The following MARCHF2 variants were observed in gnomAD, a reference collection of about 807,000 sequenced individuals.
MARCHF2 encodes membrane associated ring-CH-type finger 2.
In MARCHF2, 22 loss-of-function variants were observed where a neutral mutation model predicts 24.0. That is an observed-to-expected ratio of 0.92 (90% confidence interval 0.66 to 1.31). The LOEUF (loss-of-function observed/expected upper bound fraction) is 1.31. MARCHF2 is among the 50% of genes most tolerant of loss of function. The pLI, the probability that MARCHF2 is intolerant of heterozygous loss-of-function variation, is 0.00. For synonymous variants in MARCHF2, 154 were observed against 153.0 expected (o/e 1.01, Z -0.05); for missense variants, 301 against 335.3 (o/e 0.90, Z 0.80).
intron 4 of MARCHF2, among the ~76,000 whole-genome samples, chr19:8,434,561 T>C (rs1044947482): frequency 5.9e-5 from 9 of 152,176 alleles, no homozygotes; most frequent in African/African-American, 2.2e-4. Flanking sequence ...AAATCACTTT[T>C]GACAGGCACT....
chr19:8,425,189 C>G (rs1967363767), intron 2 of MARCHF2, among the ~76,000 whole-genome samples: 1 of 151,778 alleles, frequency 6.6e-6, no homozygotes, highest in South Asian at 2.1e-4. Flanking sequence ...TCCTGGCTAA[C>G]ACGGTGAAAC....
At chr19:8,424,202 A>G (rs1201263406) in intron 2 of MARCHF2, among the ~76,000 whole-genome samples, 1 of 152,052 alleles carries the variant, frequency 6.6e-6, no homozygotes, top group Non-Finnish European at 1.5e-5. Flanking sequence ...AGACTGGGCC[A>G]GGGCTGGAGA....
chr19:8,415,721 C>CAAAAAAAAAAAAAAAAAAA (rs1309501077), intron 1 of MARCHF2, among the ~76,000 whole-genome samples: 13 of 17,834 alleles, frequency 7.3e-4, no homozygotes, highest in South Asian at 2.3e-3. Flanking sequence ...AACTCCATCT[C>CAAAAAAAAAAAAAAAAAAA]AAAAAAAAAA....
Position 8,415,732 on chromosome 19 carries a change from A to C in MARCHF2, c.-53+2312A>C, listed in dbSNP as rs1379236952. 6.2e-4 allele frequency among the ~76,000 whole-genome samples: 50 copies of C among 81,142 alleles called. 5 individuals are homozygous for C. The highest frequency in any genetic ancestry group is 1.7e-3 in the African/African-American group (39 of 23,112). 53.2% of individuals were successfully genotyped at this position (81,142 alleles called of 152,430 possible). A position where few individuals can be genotyped will look rare whatever the true frequency, so the allele number is the denominator to read the frequency against. The stretch of plus-strand genomic sequence containing the variant: ...GTGAAACTCCATCTCAAAAAAAAAA[A>C]AACAAAAAAAACAAAAAAAAAAACC... On this transcript the variant is annotated intron_variant, in intron 1 of 4. Transcript: ENST00000215555.
chr19:8,438,651 G>T lies in MARCHF2; in HGVS notation c.*105G>T. 1.6e-6 allele frequency: 2 copies of T among 1,277,634 alleles called. No individual in the cohort carries two copies. Among genetic ancestry groups the T allele is most frequent in the Non-Finnish European group, 2.2e-6 (2 of 925,286 alleles). The allele number at this position is 1,277,634 out of a possible 1,614,324, so 79.1% of individuals were successfully genotyped here. A position where few individuals can be genotyped will look rare whatever the true frequency, so the allele number is the denominator to read the frequency against. ...CAACACTTCCACTTCAACAGTTCCC[G>T]CACGGCCTGAACGCTTCTTAGGCCA... On this transcript the variant is annotated 3_prime_UTR_variant, in exon 5 of 5. Transcript: ENST00000215555.
At chr19:8,427,020 C>A (rs1967423043) in intron 3 of MARCHF2, among the ~76,000 whole-genome samples, 1 of 152,018 alleles carries the variant, frequency 6.6e-6, no homozygotes, top group Non-Finnish European at 1.5e-5. Flanking sequence ...TTCATTCAGT[C>A]TTTCTTCTTC....
In MARCHF2 at chr19:8,433,864, T is replaced by C. The variant is rs1167683768; in HGVS notation, c.582+2997T>C. Among the ~76,000 whole-genome samples the C allele has an allele frequency of 2.1e-5, 3 of 144,308 alleles. No homozygotes were observed. In the South Asian group the frequency reaches 6.7e-4, roughly 32 times the overall value. The allele number at this position is 144,308 out of a possible 152,430, so 94.7% of individuals were successfully genotyped here. The stretch of plus-strand genomic sequence containing the variant: ...GGGTGCCTGAGTGACAGAATAAGAC[T>C]CTGTCTCAAAAAAAAAAAAAAGAAA... On this transcript the variant is annotated intron_variant, in intron 4 of 4. Coordinates refer to ENST00000215555, the MANE Select transcript of MARCHF2 (RefSeq NM_001005415.2).
At chr19:8,420,535 CAA>C (rs767779814) in intron 1 of MARCHF2, among the ~76,000 whole-genome samples, 2,791 of 66,736 alleles carry the variant, frequency 0.042, 24 homozygotes, top group South Asian at 0.097. Flanking sequence ...AACTCTGTCT[CAA>C]AAAAAAAAAA....
In MARCHF2 at chr19:8,438,708, C is replaced by T. The variant is rs1967798742; in HGVS notation, c.*162C>T. The T allele has an allele frequency of 1.6e-6, 1 of 622,272 alleles. No homozygotes were observed. The highest frequency in any genetic ancestry group is 2.8e-5 in the East Asian group (1 of 35,674). The allele number at this position is 622,272 out of a possible 1,614,324, so 38.5% of individuals were successfully genotyped here. On this transcript the variant is annotated 3_prime_UTR_variant, in exon 5 of 5. Coordinates refer to ENST00000215555, the MANE Select transcript of MARCHF2 (RefSeq NM_001005415.2). ...ACCATGCAGAGCCTAGTCTGTGATCCTGTGTGAAGATATTTTCAGGGTTTT... is the reference window on the plus strand; with the variant it reads ...ACCATGCAGAGCCTAGTCTGTGATCTTGTGTGAAGATATTTTCAGGGTTTT...
intron 2 of MARCHF2, 40 bp downstream of exon 2, chr19:8,422,056 T>A (rs1568236548): frequency 1.3e-6 from 2 of 1,564,674 alleles, no homozygotes; most frequent in Non-Finnish European, 1.7e-6. Flanking sequence ...CTTTGTTGCC[T>A]CTTCTCTCTG....
chr19:8,424,001 A>G (rs1226704537), intron 2 of MARCHF2, among the ~76,000 whole-genome samples: 5 of 151,244 alleles, frequency 3.3e-5, no homozygotes, highest in African/African-American at 1.2e-4. Context: ...AAAAAAAAAA[A>G]AAGAAAGAAA....
In MARCHF2 at chr19:8,430,729, C is replaced by T; in HGVS notation, c.444C>T (p.Ile148=). The T allele has an allele frequency of 6.2e-7, 1 of 1,611,534 alleles. No individual in the cohort carries two copies. The change falls in exon 4 of 5, where the codon ATC becomes ATT. Residue 148 remains isoleucine (I), a synonymous_variant. Transcript: ENST00000215555. This position sits in a 1 kb window ranked among gnomAD's most constrained non-coding sequence, Gnocchi z 4.4. ...LCCDMVCFLF[I]TPLAAISGWL... ...GCGACATGGTGTGTTTCCTGTTCAT[C>T]ACACCGCTGGCCGCCATCTCAGGCT...
chr19:8,416,340 C>CAA (rs71175852), intron 1 of MARCHF2, among the ~76,000 whole-genome samples: 28 of 77,350 alleles, frequency 3.6e-4, no homozygotes, highest in South Asian at 9.0e-4. Flanking sequence ...GACTCTGTCT[C>CAA]AAAAAAAAAA....
At chr19:8,416,568 T>C (rs1268114764) in intron 1 of MARCHF2, among the ~76,000 whole-genome samples, 6 of 152,024 alleles carry the variant, frequency 3.9e-5, no homozygotes, top group Admixed American at 2.6e-4. Flanking sequence ...TGGACCCCAT[T>C]GGCACTTCAT....
At position 8,430,545 on chromosome 19, in the gene MARCHF2, A is replaced by AG; in HGVS notation, c.373-113_373-112insG. 1.2e-6 allele frequency: 1 copy of AG among 810,178 alleles called. No homozygotes were observed. The highest frequency in any genetic ancestry group is 2.6e-5 in the East Asian group (1 of 38,414). 50.2% of individuals were successfully genotyped at this position (810,178 alleles called of 1,614,324 possible). On this transcript the variant is annotated intron_variant, in intron 3 of 4. Coordinates refer to ENST00000215555, the MANE Select transcript of MARCHF2 (RefSeq NM_001005415.2). The surrounding 1 kb of genome is among the most constrained non-coding windows in gnomAD (Gnocchi z 4.4). Reference sequence around the variant, plus strand: ...GTGAGAATCTGTCTCAAAAAAAAAAAAAAGAAAGAAGGAAAGGACAGAGGG... The same window carrying AG: ...GTGAGAATCTGTCTCAAAAAAAAAAAGAAAGAAAGAAGGAAAGGACAGAGGG...
intron 1 of MARCHF2, among the ~76,000 whole-genome samples, chr19:8,414,554 A>T (rs1322815443): frequency 1.3e-5 from 2 of 152,210 alleles, no homozygotes; most frequent in Non-Finnish European, 2.9e-5. Flanking sequence ...CTGGGATTAC[A>T]GGCGTGAGCC....
Position 8,426,679 on chromosome 19 carries a change from A to G in MARCHF2, c.247A>G (p.Thr83Ala). The G allele has an allele frequency of 6.2e-7, 1 of 1,614,004 alleles. No homozygotes were observed. Among genetic ancestry groups the G allele is most frequent in the East Asian group, 2.2e-5 (1 of 44,884 alleles). The change falls in exon 3 of 5, where the codon ACC becomes GCC. Residue 83 changes from threonine to alanine, a missense_variant. Transcript: ENST00000215555. ...GTGCTTGCTGTCCCCGTGTGGCTGC[A>G]CCGGCACGCTGGGTGCCGTGCATAA... is the stretch of plus-strand genomic sequence containing the variant. ...GECLLSPCGC[T>A]GTLGAVHKSC...
intron 1 of MARCHF2, among the ~76,000 whole-genome samples, chr19:8,421,534 C>A (rs567977253): frequency 6.6e-6 from 1 of 152,136 alleles, no homozygotes; most frequent in South Asian, 2.1e-4. Context: ...GCCAGGGAAG[C>A]ATAGCTTTTC....
chr19:8,425,651 C>T (rs1967378322), intron 2 of MARCHF2, among the ~76,000 whole-genome samples: 1 of 150,560 alleles, frequency 6.6e-6, no homozygotes, highest in African/African-American at 2.4e-5. Flanking sequence ...GAGCCTCACT[C>T]TGTCACCCAG....
Sources: allele counts gnomAD v4.1 joint callset (sites outside exome capture counted in the v4.1 genomes callset), GRCh38; gene constraint gnomAD v4.1.1; non-coding constraint Gnocchi (gnomAD v3.1); transcripts MANE v1.5; gene names NCBI Gene and HGNC (gene_info 2026-07-23, HGNC 2026-07-21).